The following SLC35F4 variants were observed in gnomAD, a reference collection of about 807,000 sequenced individuals.
SLC35F4 encodes the protein chromosome 14 open reading frame 36.
In SLC35F4, 24 loss-of-function variants were observed where a neutral mutation model predicts 44.2. The observed-to-expected ratio is 0.54, with a 90% CI of 0.39 to 0.76. SLC35F4 has a LOEUF of 0.76. Among genes scored for constraint, SLC35F4 ranks in the 30% least tolerant of loss-of-function variants. SLC35F4 has a pLI of 0.00. For missense variants in SLC35F4, 562 were observed against 586.1 expected, an observed-to-expected ratio of 0.96 and a Z score of 0.42; for synonymous variants, 238 against 223.6, an observed-to-expected ratio of 1.06 and a Z score of -0.57.
intron 1 of SLC35F4, among the ~76,000 whole-genome samples, chr14:57,925,520 AGGGAGGGAGGGAGGGAGG>A (rs1295876077): frequency 1.4e-4 from 4 of 27,966 alleles, no homozygotes; most frequent in Admixed American, 5.5e-4. Flanking sequence ...GGAGGGAGGG[AGGGAGGGAGGGAGGGAGG>A]GAGGGAGGAA....
chr14:57,905,488 T>A (rs1283410127), intron 1 of SLC35F4, among the ~76,000 whole-genome samples: 1 of 152,236 alleles, frequency 6.6e-6, no homozygotes, highest in African/African-American at 2.4e-5. Flanking sequence ...GGAGGCTGGT[T>A]ACCTCAATCC....
Position 57,731,774 on chromosome 14 carries a change from G to A in SLC35F4, c.103+133949C>T, listed in dbSNP as rs187481890. Among the ~76,000 whole-genome samples the A allele has an allele frequency of 9.9e-5, 15 of 152,268 alleles. No homozygotes were observed. In the East Asian group the frequency reaches 2.9e-3, roughly 29 times the overall value. ...AAAAGAATTCAGAAAGAAGTCCAAG[G>A]AACAGTGAGATTATAACTTATTCTG... On this transcript the variant is annotated intron_variant, in intron 1 of 7. Coordinates refer to ENST00000556826, the MANE Select transcript of SLC35F4 (RefSeq NM_001306087.2).
At chr14:57,791,660 C>T (rs1327030403) in intron 1 of SLC35F4, among the ~76,000 whole-genome samples, 3 of 151,390 alleles carry the variant, frequency 2.0e-5, no homozygotes, top group African/African-American at 7.3e-5. Flanking sequence ...AAAACACATG[C>T]ACATGTATAT....
intron 1 of SLC35F4, among the ~76,000 whole-genome samples, chr14:57,902,206 C>A (rs1448490201): frequency 6.6e-6 from 1 of 152,124 alleles, no homozygotes; most frequent in East Asian, 1.9e-4. Context: ...TTGTCCAGTC[C>A]TTTTGAGAAA....
chr14:57,691,479 GTGT>G (rs1337179228), intron 1 of SLC35F4, among the ~76,000 whole-genome samples: 3 of 152,124 alleles, frequency 2.0e-5, no homozygotes, highest in Non-Finnish European at 4.4e-5. Flanking sequence ...AAGAACAGAA[GTGT>G]TGTCTATAAT....
chr14:57,594,049 T>A lies in SLC35F4; in HGVS notation c.179A>T (p.Gln60Leu), dbSNP rs919851578. Residue 60 changes from glutamine to leucine, a missense_variant, in exon 2 of 8, where the codon CAA becomes CTA. Physicochemically the swap from Gln to Leu is moderately radical, Grantham distance 113 (BLOSUM62 -2). Coordinates refer to ENST00000556826, the MANE Select transcript of SLC35F4 (RefSeq NM_001306087.2). ...CPSSHSGISR[Q>L]LSPLSVTEDS... ...TTCGGTGACAGACAGTGGGGACAGT[T>A]GTCTACTGATGCCACTGTGTGAACT... The A allele has an allele frequency of 6.2e-7, 1 of 1,613,922 alleles. No homozygotes were observed. Among genetic ancestry groups the A allele is most frequent in the South Asian group, 1.1e-5 (1 of 91,072 alleles).
At chr14:57,970,051 C>T (rs1881008123) in intron 1 of SLC35F4, among the ~76,000 whole-genome samples, 1 of 152,214 alleles carries the variant, frequency 6.6e-6, no homozygotes, top group Non-Finnish European at 1.5e-5. Context: ...AGACCCAAAA[C>T]ACTACCCTAG....
At chr14:57,630,324 T>G in intron 1 of SLC35F4, 1 of 583,446 alleles carries the variant, frequency 1.7e-6, no homozygotes, top group Admixed American at 2.4e-5. Context: ...TAGAAGGTCG[T>G]ATAGTCCTAG....
rs557811960 is a variant in SLC35F4, at chr14:57,852,521, G to A, written c.103+13202C>T. 1.8e-3 allele frequency among the ~76,000 whole-genome samples: 267 copies of A among 152,328 alleles called. 1 individual carries two copies. The highest frequency in any genetic ancestry group is 0.013 in the Admixed American group (194 of 15,298). On this transcript the variant is annotated intron_variant, in intron 1 of 7. Coordinates refer to ENST00000556826, the MANE Select transcript of SLC35F4 (RefSeq NM_001306087.2). ...TGAATGCTTCTGAAAGGTGATCATG[G>A]TTCCTACACAGATGTGGACTAGAAA...
At chr14:57,605,121 A>T (rs1595022766) in intron 1 of SLC35F4, among the ~76,000 whole-genome samples, 1 of 152,286 alleles carries the variant, frequency 6.6e-6, no homozygotes, top group Non-Finnish European at 1.5e-5. Flanking sequence ...GACCTAATTA[A>T]ACTGAAGAGC....
At chr14:57,846,656 T>A (rs966338552) in intron 1 of SLC35F4, among the ~76,000 whole-genome samples, 5 of 152,184 alleles carry the variant, frequency 3.3e-5, no homozygotes, top group Non-Finnish European at 7.3e-5. Context: ...ATGCCAAGAC[T>A]TTAGTAGCCA....
chr14:57,658,256 A>C (rs993749874), intron 1 of SLC35F4, among the ~76,000 whole-genome samples: 2 of 152,224 alleles, frequency 1.3e-5, no homozygotes. Flanking sequence ...TCAGAGAAGC[A>C]GTTAGCTATG....
At chr14:57,629,054 A>C (rs993465793) in intron 1 of SLC35F4, among the ~76,000 whole-genome samples, 1 of 152,150 alleles carries the variant, frequency 6.6e-6, no homozygotes, top group African/African-American at 2.4e-5. Context: ...TTTTGTTCAG[A>C]GACATGGTCG....
intron 1 of SLC35F4, among the ~76,000 whole-genome samples, chr14:57,874,409 A>C (rs1595260764): frequency 6.6e-6 from 1 of 152,242 alleles, no homozygotes; most frequent in East Asian, 1.9e-4. Flanking sequence ...TGAAGAAATC[A>C]TTGTAACAAA....
chr14:57,977,923 A>G (rs191394577), intron 1 of SLC35F4, among the ~76,000 whole-genome samples: 2 of 152,326 alleles, frequency 1.3e-5, no homozygotes, highest in East Asian at 3.9e-4. Context: ...TCTGAGGTAC[A>G]TATATACCTG....
At chr14:57,638,734 C>T (rs1051780708) in intron 1 of SLC35F4, among the ~76,000 whole-genome samples, 3 of 152,002 alleles carry the variant, frequency 2.0e-5, no homozygotes, top group Non-Finnish European at 4.4e-5. Context: ...AGGTGGGTGG[C>T]GGGAACAGAT....
chr14:57,577,670 T>TAAA lies in SLC35F4; in HGVS notation c.807+3541_807+3543dup, dbSNP rs1022518397. Among the ~76,000 whole-genome samples the TAAA allele has an allele frequency of 1.8e-3, 273 of 149,036 alleles. 2 individuals are homozygous for TAAA. Among genetic ancestry groups the TAAA allele is most frequent in the Middle Eastern group, 7.1e-3 (2 of 280 alleles). Reference sequence around the variant, plus strand: ...ATTCCCCTTGGGAAGAACCTTTTTTTAAAAAAAAAAAAATTAAGGTGGGTT... The same window carrying TAAA: ...ATTCCCCTTGGGAAGAACCTTTTTTTAAAAAAAAAAAAAAAATTAAGGTGGGTT... On this transcript the variant is annotated intron_variant, in intron 4 of 7. Coordinates refer to ENST00000556826, the MANE Select transcript of SLC35F4 (RefSeq NM_001306087.2).
In SLC35F4 at chr14:57,570,085, C is replaced by T. The variant is rs976012375; in HGVS notation, c.934-105G>A. The T allele has an allele frequency of 2.9e-5, 31 of 1,077,624 alleles. No homozygotes were observed. In the African/African-American group the frequency reaches 3.6e-4, roughly 12 times the overall value. 66.8% of individuals were successfully genotyped at this position (1,077,624 alleles called of 1,614,324 possible). A position where few individuals can be genotyped will look rare whatever the true frequency, so the allele number is the denominator to read the frequency against. On this transcript the variant is annotated intron_variant, in intron 5 of 7. Transcript: ENST00000556826. ...AGCTAACTGGCCCAGAGTTTATTCT[C>T]CATTTCTTCTTGCCCTGACATCTTC...
At chr14:57,924,453 C>CT (rs879756219) in intron 1 of SLC35F4, among the ~76,000 whole-genome samples, 176 of 143,972 alleles carry the variant, frequency 1.2e-3, no homozygotes, top group African/African-American at 2.3e-3. Context: ...CTCTTTCTTT[C>CT]TTTTTTTTTT....
Sources: allele counts gnomAD v4.1 joint callset (sites outside exome capture counted in the v4.1 genomes callset), GRCh38; gene constraint gnomAD v4.1.1; transcripts MANE v1.5; gene names NCBI Gene and HGNC (gene_info 2026-07-23, HGNC 2026-07-21).